Variants in SAMD12 observed in about 807,000 individuals in gnomAD.
SAMD12 encodes sterile alpha motif domain containing 12.
Under a neutral mutation model 15.0 loss-of-function variants are expected in SAMD12, and 9 were observed. The ratio of observed to expected loss-of-function variants is 0.60; its 90% CI spans 0.36 to 1.05. SAMD12 has a LOEUF of 1.05. Ranked by LOEUF, SAMD12 falls within the 50% of genes least tolerant of loss-of-function variation. The probability of loss-of-function intolerance (pLI) is 0.01; values close to 1 mark genes in which losing one functional copy is unlikely to be tolerated. For missense variants in SAMD12, 230 were observed against 234.2 expected (o/e 0.98, Z 0.12); for synonymous variants, 86 against 90.1 (o/e 0.96, Z 0.25).
At chr8:118,318,900 G>A (rs1408280037) in intron 4 of SAMD12, among the ~76,000 whole-genome samples, 1 of 151,940 alleles carries the variant, frequency 6.6e-6, no homozygotes, top group East Asian at 1.9e-4. Flanking sequence ...TGCTCTGGTG[G>A]CAGACTAAAT....
the SAMD12 span, among the ~76,000 whole-genome samples, chr8:118,136,691 T>C: frequency 6.6e-6 from 1 of 152,202 alleles, no homozygotes; most frequent in Admixed American, 6.5e-5. Flanking sequence ...ACACAGCTGA[T>C]GTCTTTGCTC....
intron 1 of SAMD12, among the ~76,000 whole-genome samples, chr8:118,594,520 G>A (rs973343523): frequency 5.3e-5 from 8 of 152,092 alleles, no homozygotes; most frequent in Admixed American, 3.3e-4. Flanking sequence ...CAATAGTTAC[G>A]TTGTAGATGA....
chr8:118,423,604 A>G (rs1177909135), intron 3 of SAMD12, among the ~76,000 whole-genome samples: 1 of 152,076 alleles, frequency 6.6e-6, no homozygotes, highest in African/African-American at 2.4e-5. Context: ...GTCCACCCCC[A>G]TGCTTATTTT....
At chr8:118,185,374 A>C (rs555215620), downstream of SAMD12, among the ~76,000 whole-genome samples, 2 of 152,018 alleles carry the variant, frequency 1.3e-5, no homozygotes, top group Admixed American at 1.3e-4. Context: ...GTAGTCTTTT[A>C]TCCTTCACCC....
chr8:118,150,828 C>T, the SAMD12 span, among the ~76,000 whole-genome samples: 2 of 152,136 alleles, frequency 1.3e-5, no homozygotes, highest in African/African-American at 4.8e-5. Flanking sequence ...AAGTCTGTTG[C>T]TGATGAATTC....
chr8:118,399,943 CTT>C (rs1820786569), intron 3 of SAMD12, among the ~76,000 whole-genome samples: 1 of 152,168 alleles, frequency 6.6e-6, no homozygotes, highest in South Asian at 2.1e-4. Flanking sequence ...GAATGAAAGA[CTT>C]TGAATAGTGG....
intron 4 of SAMD12, among the ~76,000 whole-genome samples, chr8:118,200,838 A>G (rs1233119135): frequency 6.6e-6 from 1 of 152,078 alleles, no homozygotes; most frequent in Non-Finnish European, 1.5e-5. Flanking sequence ...TATTTTTTGG[A>G]GACAGGGTCT....
intron 3 of SAMD12, among the ~76,000 whole-genome samples, chr8:118,395,536 A>G (rs7000586): frequency 0.21 from 32,489 of 152,088 alleles, 3,862 homozygotes; most frequent in African/African-American, 0.25. Flanking sequence ...TTCAGGGACC[A>G]AAATGTCATG....
At chr8:118,420,412 A>G (rs1161546095) in intron 3 of SAMD12, among the ~76,000 whole-genome samples, 1 of 152,258 alleles carries the variant, frequency 6.6e-6, no homozygotes, top group Non-Finnish European at 1.5e-5. Context: ...ACATGGGACC[A>G]GATGTACAAT....
chr8:118,181,819 G>A, the SAMD12 span, among the ~76,000 whole-genome samples: 2 of 152,156 alleles, frequency 1.3e-5, no homozygotes, highest in East Asian at 1.9e-4. Flanking sequence ...GTTATTAGAA[G>A]GATTAAATAA....
At chr8:118,298,560 C>T (rs1478182949) in intron 4 of SAMD12, among the ~76,000 whole-genome samples, 2 of 152,144 alleles carry the variant, frequency 1.3e-5, no homozygotes, top group African/African-American at 4.8e-5. Context: ...GCAGCATTTA[C>T]ACTTTTTAAA....
intron 2 of SAMD12, among the ~76,000 whole-genome samples, chr8:118,521,820 C>A (rs1401440338): frequency 1.3e-5 from 2 of 152,182 alleles, no homozygotes; most frequent in African/African-American, 4.8e-5. Context: ...TGGCATTCAA[C>A]CAGACTCAGA....
At chr8:118,517,439 A>C (rs969610677) in intron 2 of SAMD12, among the ~76,000 whole-genome samples, 2 of 152,218 alleles carry the variant, frequency 1.3e-5, no homozygotes, top group African/African-American at 4.8e-5. Context: ...AAAGGTTACG[A>C]TACAATAGTT....
chr8:118,135,596 G>A, the SAMD12 span, among the ~76,000 whole-genome samples: 219 of 151,724 alleles, frequency 1.4e-3, no homozygotes, highest in African/African-American at 5.1e-3. Context: ...AGGCTGGAGT[G>A]CAGTGGTGCG....
chr8:118,165,616 A>ATATG, the SAMD12 span, among the ~76,000 whole-genome samples: 4 of 4,134 alleles, frequency 9.7e-4, no homozygotes. Context: ...ATATATATGT[A>ATATG]TATATATATA....
chr8:118,215,122 G>C (rs1182343623), intron 4 of SAMD12, among the ~76,000 whole-genome samples: 1 of 152,128 alleles, frequency 6.6e-6, no homozygotes, highest in Non-Finnish European at 1.5e-5. Flanking sequence ...TGAAATGTTA[G>C]GCTCTGGCAA....
intron 2 of SAMD12, among the ~76,000 whole-genome samples, chr8:118,571,101 T>C (rs1826999241): frequency 6.6e-6 from 1 of 152,204 alleles, no homozygotes; most frequent in Non-Finnish European, 1.5e-5. Flanking sequence ...ATAAACTGTA[T>C]TGTATAAATA....
intron 3 of SAMD12, among the ~76,000 whole-genome samples, chr8:118,391,111 G>A (rs4876819): frequency 0.71 from 107,296 of 151,982 alleles, 39,059 homozygotes; most frequent in African/African-American, 0.85. Context: ...TAGTACATGT[G>A]ATTACCAAAT....
chr8:118,362,428 A>C (rs1467276520), intron 4 of SAMD12, among the ~76,000 whole-genome samples: 1 of 152,212 alleles, frequency 6.6e-6, no homozygotes, highest in African/African-American at 2.4e-5. Context: ...AAATGACAAA[A>C]GAAAAATCAA....
Sources: gnomAD v4.1 joint callset for allele counts (sites outside exome capture counted in the v4.1 genomes callset) on GRCh38, gnomAD v4.1.1 for gene constraint, MANE v1.5 for transcripts, NCBI Gene and HGNC (gene_info 2026-07-23, HGNC 2026-07-21) for gene names.